ACSBG2: variants seen among roughly 807,000 people sequenced by gnomAD.
The protein encoded by ACSBG2 is long-chain-fatty-acid--CoA ligase ACSBG2.
Under a neutral mutation model 74.7 loss-of-function variants are expected in ACSBG2, and 62 were observed. The ratio of observed to expected loss-of-function variants is 0.83; its 90% CI spans 0.68 to 1.03. ACSBG2 has a LOEUF of 1.03. Ranked by LOEUF, ACSBG2 falls within the 50% of genes least tolerant of loss-of-function variation. The pLI is 0.00. For missense variants in ACSBG2, 730 were observed against 817.6 expected (o/e 0.89, Z 1.31); for synonymous variants, 309 against 294.1 (o/e 1.05, Z -0.52).
rs2089422946 is a variant in ACSBG2 at position 6,156,470 on chromosome 19, G to A, written c.426G>A (p.Glu142=). ...CVGIYATNSA[E]VCQYVITHAK... ...GTATTTATGCCACCAACTCTGCCGAGGTTTGTCAATATGTCATCACTCATG... is the reference window on the plus strand; with the variant it reads ...GTATTTATGCCACCAACTCTGCCGAAGTTTGTCAATATGTCATCACTCATG... The change falls in exon 5 of 15, where the codon GAG becomes GAA. Residue 142 remains glutamate (E), a synonymous_variant. Coordinates refer to ENST00000588485, the MANE Select transcript of ACSBG2 (RefSeq NM_030924.5). 3 of 1,598,408 alleles carry A rather than the reference G, an allele frequency of 1.9e-6. No homozygotes were observed. The highest frequency in any genetic ancestry group is 3.5e-5 in the Admixed American group (2 of 56,656).
At position 6,180,333 on chromosome 19, in the gene ACSBG2, C is replaced by T. The variant is rs59044755; in HGVS notation, c.907-2418C>T. Among the ~76,000 whole-genome samples, 12,752 of 152,244 alleles carry T rather than the reference C, an allele frequency of 0.084. 949 individuals are homozygous for T. The highest frequency in any genetic ancestry group is 0.2 in the African/African-American group (8,243 of 41,506). ...AGCAGGCTAAATCTTAGGGCCTTTG[C>T]ACGTGCTTCTAGAAGGTTCTTTCTC... is the stretch of plus-strand genomic sequence containing the variant. On this transcript the variant is annotated intron_variant, in intron 8 of 14. Transcript: ENST00000588485. The surrounding 1 kb of genome is among the most constrained non-coding windows in gnomAD (Gnocchi z 4.3).
At chr19:6,158,769 C>T (rs556438420) in intron 5 of ACSBG2, among the ~76,000 whole-genome samples, 5 of 152,018 alleles carry the variant, frequency 3.3e-5, no homozygotes, top group Non-Finnish European at 4.4e-5. Flanking sequence ...TTATTCTCTC[C>T]GAAATTTGGG....
At chr19:6,147,316 T>A (rs995784690) in intron 2 of ACSBG2, 130 bp from the exon 3 acceptor site, 1 of 689,202 alleles carries the variant, frequency 1.5e-6, no homozygotes, top group Non-Finnish European at 2.4e-6. Context: ...GTTGACCACA[T>A]AACTTCACCC....
chr19:6,145,446 A>T (rs2088995960), intron 2 of ACSBG2, among the ~76,000 whole-genome samples: 1 of 141,610 alleles, frequency 7.1e-6, no homozygotes, highest in South Asian at 2.2e-4. Context: ...AAAAAAAAAA[A>T]GTAGCATCCC....
At chr19:6,181,630 A>G (rs1163307535) in intron 8 of ACSBG2, among the ~76,000 whole-genome samples, 1 of 152,112 alleles carries the variant, frequency 6.6e-6, no homozygotes. Flanking sequence ...TGCCTACTCT[A>G]AAGTCACAGG....
rs754671866 is a variant in ACSBG2 at position 6,156,574 on chromosome 19, C to T, written c.507+23C>T. 3.3e-6 allele frequency: 5 copies of T among 1,513,276 alleles called. No homozygotes were observed. The East Asian group carries it at 1.2e-4, about 37-fold the overall frequency. 93.7% of individuals were successfully genotyped at this position (1,513,276 alleles called of 1,614,324 possible). On this transcript the variant is annotated intron_variant, in intron 5 of 14. Transcript: ENST00000588485. ...TCGGTAAACCCCTACCCAGCACTGC[C>T]TGCCAAAGTCACCCAGGGGTACCTC...
chr19:6,176,268 G>A (rs1403504878), intron 7 of ACSBG2: 56 of 1,337,194 alleles, frequency 4.2e-5, no homozygotes, highest in Non-Finnish European at 5.1e-5. Context: ...GTCCTTACTC[G>A]ATCTTACCTT....
chr19:6,187,314 GC>G lies in ACSBG2; in HGVS notation c.1578del (p.Ile527PhefsTer19), dbSNP rs754308951. Reference sequence around the variant, plus strand: ...TTATCACTGCTGGTGGTGAAAATGTGCCCCCCATTCCTGTTGAGACCTTGGT... The same window carrying G: ...TTATCACTGCTGGTGGTGAAAATGTGCCCCCATTCCTGTTGAGACCTTGGT... The part of the protein sequence containing the change: ...ILITAGGENV[P>X]PIPVETLVKK... On this transcript the variant is annotated frameshift_variant, in exon 12 of 15. Transcript: ENST00000588485. LOFTEE classifies it high-confidence loss of function. The G allele has an allele frequency of 3.1e-6, 5 of 1,614,002 alleles. No homozygotes were observed. Among genetic ancestry groups the G allele is most frequent in the Non-Finnish European group, 3.4e-6 (4 of 1,180,046 alleles).
intron 3 of ACSBG2, among the ~76,000 whole-genome samples, chr19:6,149,504 CTTTTTTT>C (rs556996493): frequency 4.7e-5 from 6 of 127,934 alleles, no homozygotes; most frequent in Admixed American, 7.9e-5. Context: ...ACATGTGCAA[CTTTTTTT>C]TTTTTTTTTT....
chr19:6,152,610 G>C (rs932606507), intron 4 of ACSBG2, among the ~76,000 whole-genome samples: 5 of 145,956 alleles, frequency 3.4e-5, no homozygotes, highest in African/African-American at 1.3e-4. Context: ...GGCTGTAATC[G>C]TGAAAAAAAC....
intron 4 of ACSBG2, among the ~76,000 whole-genome samples, chr19:6,154,395 T>C (rs2089342382): frequency 1.8e-5 from 1 of 54,600 alleles, no homozygotes; most frequent in Non-Finnish European, 3.9e-5. Flanking sequence ...CAAAACTCCG[T>C]CTCAAAAAGA....
Position 6,141,519 on chromosome 19 carries a change from G to A in ACSBG2, c.-25G>A, listed in dbSNP as rs2088833166. On this transcript the variant is annotated 5_prime_UTR_variant, in exon 2 of 15. Transcript: ENST00000588485. ...CTGCTTTTTTGCTTTGCAGTGCTGT[G>A]GAGCATGGTTTCTGCACACCTGGAA... 1 of 1,573,136 alleles carries A rather than the reference G, an allele frequency of 6.4e-7. No homozygotes were observed. Among genetic ancestry groups the A allele is most frequent in the Non-Finnish European group, 8.8e-7 (1 of 1,142,688 alleles).
chr19:6,152,551 A>ATTTTTTT (rs746612699), intron 4 of ACSBG2, among the ~76,000 whole-genome samples: 18 of 20,230 alleles, frequency 8.9e-4, no homozygotes, highest in African/African-American at 1.8e-3. Flanking sequence ...CGGCCTCCCA[A>ATTTTTTT]TTTTTTTTTT....
intron 7 of ACSBG2, among the ~76,000 whole-genome samples, chr19:6,175,602 G>T (rs1869125339): frequency 6.6e-6 from 1 of 152,150 alleles, no homozygotes; most frequent in South Asian, 2.1e-4. Flanking sequence ...AGGGGGAATA[G>T]CCAGTCCAAA....
rs1452220355 is a variant in ACSBG2, at chr19:6,185,439, T to C, written c.1326T>C (p.Cys442=). 1.9e-6 allele frequency: 3 copies of C among 1,614,154 alleles called. No homozygotes were observed. Among genetic ancestry groups the C allele is most frequent in the Admixed American group, 3.3e-5 (2 of 60,026 alleles). The change falls in exon 11 of 15, where the codon TGT becomes TGC. Residue 442 remains cysteine, a synonymous_variant. Coordinates refer to ENST00000588485, the MANE Select transcript of ACSBG2 (RefSeq NM_030924.5). Reference sequence around the variant, plus strand: ...CTCTGCTTCTGTCCCCTGGCAGCTGTGGCAAGATCTTGACTGGGTGTAAGA... The same window carrying C: ...CTCTGCTTCTGTCCCCTGGCAGCTGCGGCAAGATCTTGACTGGGTGTAAGA... ...SNQNNYRLLS[C]GKILTGCKNM... is the part of the protein sequence containing the mutation.
At chr19:6,182,289 C>CT (rs112380849) in intron 8 of ACSBG2, among the ~76,000 whole-genome samples, 3 of 151,770 alleles carry the variant, frequency 2.0e-5, no homozygotes, top group Non-Finnish European at 4.4e-5. Flanking sequence ...ATCTTGCATC[C>CT]TTTTTTAACA....
Position 6,147,468 on chromosome 19 carries a change from C to G in ACSBG2, c.90C>G (p.Thr30=), listed in dbSNP as rs372826000. 69 of 1,614,100 alleles carry G rather than the reference C, an allele frequency of 4.3e-5. No individual in the cohort carries two copies. Among genetic ancestry groups the G allele is most frequent in the Middle Eastern group, 1.6e-4 (1 of 6,084 alleles). ...CAGTTACTCCCAGGCTGTGGACCAC[C>G]TGTCGAGATGGAGAAGTCCTTCTGA... is the stretch of plus-strand genomic sequence containing the variant. ...KTEVTPRLWT[T]CRDGEVLLRL... is the part of the protein sequence containing the mutation. The change falls in exon 3 of 15, where the codon ACC becomes ACG. Residue 30 remains threonine, a synonymous_variant. Transcript: ENST00000588485.
At chr19:6,137,700 G>A (rs1245023386) in intron 1 of ACSBG2, among the ~76,000 whole-genome samples, 1 of 151,916 alleles carries the variant, frequency 6.6e-6, no homozygotes, top group African/African-American at 2.4e-5. Context: ...CCAGGCTGGG[G>A]TGCAGGGCGA....
intron 13 of ACSBG2, among the ~76,000 whole-genome samples, chr19:6,188,616 A>C (rs2090470549): frequency 6.6e-6 from 1 of 152,238 alleles, no homozygotes; most frequent in South Asian, 2.1e-4. Flanking sequence ...CAATGCAGTG[A>C]GACCCTGTCT....
Sources: gnomAD v4.1 joint callset for allele counts (sites outside exome capture counted in the v4.1 genomes callset) on GRCh38, gnomAD v4.1.1 for gene constraint, Gnocchi (gnomAD v3.1) non-coding constraint, MANE v1.5 for transcripts, NCBI Gene and HGNC (gene_info 2026-07-23, HGNC 2026-07-21) for gene names.